Variants in FRMD6 observed in about 807,000 individuals in gnomAD.
FRMD6 encodes the protein FERM domain-containing protein 6.
In FRMD6, 37 loss-of-function variants were observed where a neutral mutation model predicts 73.2. The ratio of observed to expected loss-of-function variants is 0.51; its 90% CI spans 0.39 to 0.66. The LOEUF is 0.66. FRMD6 is among the 30% of genes least tolerant of loss of function. The pLI is 0.00. For synonymous variants in FRMD6, 273 were observed against 282.2 expected (o/e 0.97, Z 0.33); for missense variants, 714 against 780.5 (o/e 0.91, Z 1.02).
the FRMD6 span, among the ~76,000 whole-genome samples, chr14:51,445,253 C>T: frequency 6.6e-6 from 1 of 152,164 alleles, no homozygotes; most frequent in African/African-American, 2.4e-5. Flanking sequence ...CTGGGCCCCC[C>T]TCAGAGACCT....
chr14:51,483,614 T>C, the FRMD6 span, among the ~76,000 whole-genome samples: 2 of 152,232 alleles, frequency 1.3e-5, no homozygotes, highest in East Asian at 3.8e-4. Context: ...TGGTGGAGGC[T>C]GGTGAAGGCC....
At chr14:51,721,723 G>GAA (rs1208963055) in intron 11 of FRMD6, among the ~76,000 whole-genome samples, 30 of 136,622 alleles carry the variant, frequency 2.2e-4, no homozygotes, top group African/African-American at 8.0e-4. Context: ...AGGAAGGGAG[G>GAA]GAGGAAGGGA....
At chr14:51,455,404 T>G in the FRMD6 span, among the ~76,000 whole-genome samples, 9 of 152,238 alleles carry the variant, frequency 5.9e-5, no homozygotes, top group African/African-American at 2.2e-4. Context: ...CTCTTGTCAT[T>G]GTGGTGATAT....
chr14:51,557,267 T>TATAC (rs1338854688), intron 1 of FRMD6, among the ~76,000 whole-genome samples: 6 of 132,166 alleles, frequency 4.5e-5, no homozygotes, highest in African/African-American at 1.7e-4. Context: ...TATATATATA[T>TATAC]ACACACATAC....
At chr14:51,590,062 CAAAAAA>C (rs529602796) in intron 2 of FRMD6, among the ~76,000 whole-genome samples, 1,920 of 82,584 alleles carry the variant, frequency 0.023, 14 homozygotes, top group South Asian at 0.065. Flanking sequence ...GAGCGAAACT[CAAAAAA>C]AAAAAAAAAA....
At chr14:51,528,639 G>A (rs994415316) in intron 1 of FRMD6, among the ~76,000 whole-genome samples, 1 of 152,162 alleles carries the variant, frequency 6.6e-6, no homozygotes, top group African/African-American at 2.4e-5. Context: ...ATTGGGGAAA[G>A]AGGGTAGGCT....
Position 51,708,264 on chromosome 14 carries a change from T to C in FRMD6, c.714+31T>C, listed in dbSNP as rs200844050. The C allele has an allele frequency of 4.4e-5, 70 of 1,598,388 alleles. No homozygotes were observed. In the East Asian group the frequency reaches 1.5e-3, roughly 34 times the overall value. On this transcript the variant is annotated intron_variant, in intron 7 of 13. Coordinates refer to ENST00000344768, the MANE Select transcript of FRMD6 (RefSeq NM_001267046.2). ...AAACGGCAACTAAGTCTTCAGCTTC[T>C]GAGAAAAAAACATCTTCTCAATAGG...
intron 1 of FRMD6, among the ~76,000 whole-genome samples, chr14:51,549,059 A>G (rs1886634449): frequency 6.6e-6 from 1 of 152,216 alleles, no homozygotes; most frequent in Non-Finnish European, 1.5e-5. Flanking sequence ...TGATTGCCAG[A>G]AAGTCCCAGA....
At chr14:51,437,594 T>G in the FRMD6 span, among the ~76,000 whole-genome samples, 1 of 152,148 alleles carries the variant, frequency 6.6e-6, no homozygotes, top group Non-Finnish European at 1.5e-5. Context: ...GAGCCACCGC[T>G]CCCGGCCCCA....
At chr14:51,428,924 G>A in the FRMD6 span, among the ~76,000 whole-genome samples, 2 of 143,746 alleles carry the variant, frequency 1.4e-5, no homozygotes, top group South Asian at 2.3e-4. Context: ...GAGAGAGAGA[G>A]GGGGAGAGAG....
At chr14:51,671,220 A>G (rs1893981455) in intron 1 of FRMD6, among the ~76,000 whole-genome samples, 1 of 152,136 alleles carries the variant, frequency 6.6e-6, no homozygotes, top group Non-Finnish European at 1.5e-5. Context: ...ATTTTCTTAT[A>G]ATGTCACCTA....
the FRMD6 span, among the ~76,000 whole-genome samples, chr14:51,476,227 A>G: frequency 6.6e-6 from 1 of 152,288 alleles, no homozygotes; most frequent in South Asian, 2.1e-4. Flanking sequence ...AATGGATGCT[A>G]TGTAATAAAA....
At chr14:51,674,793 A>G (rs1358696836) in intron 1 of FRMD6, among the ~76,000 whole-genome samples, 1 of 152,008 alleles carries the variant, frequency 6.6e-6, no homozygotes, top group Non-Finnish European at 1.5e-5. Flanking sequence ...TCTTTTGGTA[A>G]TATGGAGGGG....
At chr14:51,704,698 CATTGG>C (rs1896521929) in intron 5 of FRMD6, 46 bp from the exon 6 acceptor site, 1 of 1,484,090 alleles carries the variant, frequency 6.7e-7, no homozygotes, top group African/African-American at 1.4e-5. Context: ...GTTTACATGT[CATTGG>C]ATTATTCCAT....
intron 1 of FRMD6, among the ~76,000 whole-genome samples, chr14:51,653,260 A>T (rs551556043): frequency 6.6e-6 from 1 of 152,164 alleles, no homozygotes; most frequent in African/African-American, 2.4e-5. Context: ...TATGGGTTTT[A>T]TAAGCATCTA....
chr14:51,416,660 C>G, the FRMD6 span, among the ~76,000 whole-genome samples: 3 of 152,190 alleles, frequency 2.0e-5, no homozygotes, highest in Non-Finnish European at 4.4e-5. Context: ...CTGTAGATGT[C>G]TATTAGGTCT....
chr14:51,653,866 G>A (rs898851000), intron 1 of FRMD6, among the ~76,000 whole-genome samples: 7 of 152,180 alleles, frequency 4.6e-5, no homozygotes, highest in African/African-American at 1.7e-4. Context: ...ACATTTAGTA[G>A]GATTATTAGA....
At chr14:51,704,370 G>C (rs989248249) in intron 5 of FRMD6, among the ~76,000 whole-genome samples, 2 of 152,048 alleles carry the variant, frequency 1.3e-5, no homozygotes, top group African/African-American at 4.8e-5. Context: ...TATGTCACGT[G>C]TGTAGCATCA....
At chr14:51,612,959 A>C (rs1420150533) in intron 2 of FRMD6, among the ~76,000 whole-genome samples, 1 of 152,216 alleles carries the variant, frequency 6.6e-6, no homozygotes, top group Non-Finnish European at 1.5e-5. Context: ...TTTGAAAGCA[A>C]AGGGGAGGAA....
Sources: allele counts gnomAD v4.1 joint callset (sites outside exome capture counted in the v4.1 genomes callset), GRCh38; gene constraint gnomAD v4.1.1; transcripts MANE v1.5; gene names NCBI Gene and HGNC (gene_info 2026-07-23, HGNC 2026-07-21).